The following LPP variants were observed in gnomAD, a reference collection of about 807,000 sequenced individuals.
The protein encoded by LPP is lipoma-preferred partner.
LPP carries 38 observed loss-of-function variants against 60.4 expected under a neutral mutation model. The ratio of observed to expected loss-of-function variants is 0.63; its 90% CI spans 0.49 to 0.83. The LOEUF (loss-of-function observed/expected upper bound fraction) is 0.83, where lower values mean the gene tolerates loss of function less well. LPP is among the 40% of genes least tolerant of loss of function. The pLI is 0.00. For synonymous variants in LPP, 328 were observed against 290.8 expected (o/e 1.13, Z -1.30); for missense variants, 902 against 783.6 (o/e 1.15, Z -1.80).
chr3:188,823,214 C>T (rs1754475948), intron 9 of LPP, among the ~76,000 whole-genome samples: 1 of 152,110 alleles, frequency 6.6e-6, no homozygotes, highest in Non-Finnish European at 1.5e-5. Context: ...TAACTTTCCC[C>T]TAGTAGCCAG....
intron 3 of LPP, among the ~76,000 whole-genome samples, chr3:188,349,880 C>T (rs979474249): frequency 1.3e-5 from 2 of 152,232 alleles, no homozygotes; most frequent in Admixed American, 6.5e-5. Context: ...AATACCAGTG[C>T]TCCTGAGCTC....
At chr3:188,415,186 G>A (rs1201536901) in intron 4 of LPP, among the ~76,000 whole-genome samples, 5 of 152,058 alleles carry the variant, frequency 3.3e-5, no homozygotes, top group Admixed American at 3.3e-4. Flanking sequence ...TTTTACATCT[G>A]AAGAGAATTT....
chr3:188,641,658 AAATAATTTTGTGC>A (rs1850157931), intron 7 of LPP, among the ~76,000 whole-genome samples: 1 of 152,204 alleles, frequency 6.6e-6, no homozygotes, highest in African/African-American at 2.4e-5. Context: ...ATTGCCATTA[AAATAATTTTGTGC>A]AGCAGCACTG....
chr3:188,530,622 T>C (rs959530377), intron 6 of LPP, among the ~76,000 whole-genome samples: 2 of 152,192 alleles, frequency 1.3e-5, no homozygotes, highest in Non-Finnish European at 2.9e-5. Flanking sequence ...CCCCGAACTA[T>C]GACACAAAGG....
intron 6 of LPP, chr3:188,553,903 A>G (rs1487993518): frequency 1.3e-5 from 2 of 152,188 alleles, no homozygotes; most frequent in Admixed American, 6.5e-5. Context: ...ACACAGATAG[A>G]ATTGAGGTGC....
At chr3:188,656,161 C>G (rs950359560) in intron 7 of LPP, among the ~76,000 whole-genome samples, 2 of 149,266 alleles carry the variant, frequency 1.3e-5, no homozygotes, top group African/African-American at 5.0e-5. Context: ...CATTCCACTC[C>G]AGCCTGGGCA....
chr3:188,396,379 G>T (rs960726797), intron 3 of LPP, among the ~76,000 whole-genome samples: 2 of 152,098 alleles, frequency 1.3e-5, no homozygotes, highest in East Asian at 3.8e-4. Context: ...TCCTAAAGTG[G>T]TAGCAAAATC....
chr3:188,203,566 A>AATAT (rs1241541287), intron 1 of LPP, among the ~76,000 whole-genome samples: 1 of 97,198 alleles, frequency 1.0e-5, no homozygotes, highest in African/African-American at 4.2e-5. Context: ...AATATATATA[A>AATAT]ATATATATTT....
At position 188,639,027 on chromosome 3, in the gene LPP, T is replaced by C. The variant is rs1220318207; in HGVS notation, c.1113+29183T>C. On this transcript the variant is annotated intron_variant, in intron 7 of 11. Transcript: ENST00000617246. ...TTGGAAAAAACTACTTTAAAGTTCA[T>C]ATGGAACCAAAAAAGAGCCCGCATC... Among the ~76,000 whole-genome samples, 8 of 150,626 alleles carry C rather than the reference T, an allele frequency of 5.3e-5. No homozygotes were observed. In the South Asian group the frequency reaches 6.3e-4, roughly 12 times the overall value.
At chr3:188,563,028 G>A (rs1831109770) in intron 6 of LPP, among the ~76,000 whole-genome samples, 1 of 151,864 alleles carries the variant, frequency 6.6e-6, no homozygotes, top group South Asian at 2.1e-4. Context: ...AGTCTAGGAG[G>A]TTGCCTGGCC....
intron 9 of LPP, among the ~76,000 whole-genome samples, chr3:188,818,409 C>T (rs1753051422): frequency 6.6e-6 from 1 of 152,144 alleles, no homozygotes; most frequent in Admixed American, 6.5e-5. Flanking sequence ...CTATTCCCTA[C>T]CTTGAATCTT....
intron 3 of LPP, among the ~76,000 whole-genome samples, chr3:188,396,178 T>G (rs1780906419): frequency 6.6e-6 from 1 of 152,204 alleles, no homozygotes; most frequent in Non-Finnish European, 1.5e-5. Context: ...TGTTATCAGA[T>G]GTAAATATGT....
intron 4 of LPP, among the ~76,000 whole-genome samples, chr3:188,457,739 A>ATATATAT (rs1553903684): frequency 4.3e-5 from 6 of 140,074 alleles, no homozygotes; most frequent in Admixed American, 7.2e-5. Flanking sequence ...AAAAAAAAAA[A>ATATATAT]ATATATATAT....
chr3:188,506,512 G>A (rs1251093436), intron 5 of LPP, among the ~76,000 whole-genome samples: 1 of 152,152 alleles, frequency 6.6e-6, no homozygotes, highest in Non-Finnish European at 1.5e-5. Flanking sequence ...AATAACATGG[G>A]AGACTTGTAG....
chr3:188,760,741 C>T (rs759168986), intron 9 of LPP, among the ~76,000 whole-genome samples: 1 of 152,084 alleles, frequency 6.6e-6, no homozygotes, highest in Admixed American at 6.5e-5. Context: ...GAATACTGGG[C>T]CCTTTGAGTC....
intron 6 of LPP, among the ~76,000 whole-genome samples, chr3:188,565,969 G>A (rs1342060935): frequency 6.6e-6 from 1 of 151,904 alleles, no homozygotes; most frequent in East Asian, 1.9e-4. Context: ...GTGTCACTTA[G>A]GGCTTAGAGG....
intron 4 of LPP, among the ~76,000 whole-genome samples, chr3:188,440,198 A>T (rs1162142528): frequency 2.6e-5 from 4 of 152,154 alleles, no homozygotes; most frequent in African/African-American, 9.7e-5. Context: ...CAGATGAATG[A>T]CAGCTGTTTA....
chr3:188,591,006 TTGTTGATTTTC>T (rs1838581543), intron 6 of LPP, among the ~76,000 whole-genome samples: 1 of 152,198 alleles, frequency 6.6e-6, no homozygotes, highest in Non-Finnish European at 1.5e-5. Flanking sequence ...AGGATTTTTG[TTGTTGATTTTC>T]TGTCCTTTTA....
At chr3:188,803,880 G>A (rs1305923227) in intron 9 of LPP, among the ~76,000 whole-genome samples, 1 of 152,080 alleles carries the variant, frequency 6.6e-6, no homozygotes, top group Non-Finnish European at 1.5e-5. Context: ...TTGAATGTAG[G>A]TGTAAATCTA....
Sources: allele counts gnomAD v4.1 joint callset (sites outside exome capture counted in the v4.1 genomes callset), GRCh38; gene constraint gnomAD v4.1.1; transcripts MANE v1.5; gene names NCBI Gene and HGNC (gene_info 2026-07-23, HGNC 2026-07-21).